Variants in SEPTIN11 observed in about 807,000 individuals in gnomAD.
The protein encoded by SEPTIN11 is septin 11, also known as septin-11.
SEPTIN11 carries 25 observed loss-of-function variants against 51.4 expected under a neutral mutation model. The ratio of observed to expected loss-of-function variants is 0.49; its 90% CI spans 0.35 to 0.68. The LOEUF is 0.68. Among genes scored for constraint, SEPTIN11 ranks in the 30% least tolerant of loss-of-function variants. The pLI is 0.00. For synonymous variants in SEPTIN11, 174 were observed against 184.1 expected, an observed-to-expected ratio of 0.95 and a Z score of 0.44; for missense variants, 381 against 520.8, an observed-to-expected ratio of 0.73 and a Z score of 2.61.
intron 9 of SEPTIN11, chr4:77,032,098 G>C (rs1726689336): frequency 6.6e-6 from 1 of 152,156 alleles, no homozygotes; most frequent in African/African-American, 2.4e-5. Flanking sequence ...TGTGCAGTAG[G>C]CTCACCCCTA....
chr4:77,016,615 C>CACATATATAT (rs1553975015), intron 5 of SEPTIN11, among the ~76,000 whole-genome samples: 10 of 79,192 alleles, frequency 1.3e-4, no homozygotes, highest in African/African-American at 4.2e-4. Flanking sequence ...TATATATACA[C>CACATATATAT]ATATATATAT....
At chr4:77,013,329 GT>G (rs2109958426) in intron 4 of SEPTIN11, among the ~76,000 whole-genome samples, 1 of 152,260 alleles carries the variant, frequency 6.6e-6, no homozygotes, top group East Asian at 1.9e-4. Flanking sequence ...TAATATCAAA[GT>G]TTTATTTATA....
chr4:77,016,615 C>CACATATATATATATATACACATAT (rs1553975015), intron 5 of SEPTIN11, among the ~76,000 whole-genome samples: 1 of 79,192 alleles, frequency 1.3e-5, no homozygotes, highest in East Asian at 3.1e-4. Context: ...TATATATACA[C>CACATATATATATATATACACATAT]ATATATATAT....
chr4:77,010,861 TTA>T (rs1185752896), intron 3 of SEPTIN11, among the ~76,000 whole-genome samples: 1 of 152,214 alleles, frequency 6.6e-6, no homozygotes, highest in Non-Finnish European at 1.5e-5. Context: ...CCAGAAAGAA[TTA>T]GTGGGTTTCC....
chr4:77,038,570 T>G lies in SEPTIN11; in HGVS notation c.*4058T>G. On this transcript the variant is annotated 3_prime_UTR_variant, in exon 10 of 10. Coordinates refer to ENST00000264893, the MANE Select transcript of SEPTIN11 (RefSeq NM_018243.4). ...AGATAATCTATGCATATATCACTAG[T>G]GCCAAGACATAAAGCGGGGGAAAAT... 1.0e-6 allele frequency: 1 copy of G among 994,520 alleles called. No homozygotes were observed. Among genetic ancestry groups the G allele is most frequent in the Non-Finnish European group, 1.2e-6 (1 of 835,612 alleles). The allele number at this position is 994,520 out of a possible 1,614,324, so 61.6% of individuals were successfully genotyped here.
intron 3 of SEPTIN11, among the ~76,000 whole-genome samples, chr4:77,009,530 T>A (rs967952093): frequency 1.3e-5 from 2 of 152,172 alleles, no homozygotes; most frequent in Non-Finnish European, 2.9e-5. Flanking sequence ...CAGGACTCTC[T>A]AATAAGAACA....
chr4:77,020,213 A>C (rs1460222469), intron 6 of SEPTIN11, among the ~76,000 whole-genome samples: 2 of 152,206 alleles, frequency 1.3e-5, no homozygotes, highest in African/African-American at 4.8e-5. Flanking sequence ...TCTAGTTGGC[A>C]GAGTTATTAT....
intron 4 of SEPTIN11, among the ~76,000 whole-genome samples, chr4:77,012,130 A>C (rs1724913241): frequency 6.6e-6 from 1 of 151,994 alleles, no homozygotes; most frequent in Non-Finnish European, 1.5e-5. Context: ...AAAAAAAAAA[A>C]AGTCAAGTTG....
chr4:76,970,988 G>A (rs1722213758), intron 1 of SEPTIN11, among the ~76,000 whole-genome samples: 2 of 152,200 alleles, frequency 1.3e-5, no homozygotes, highest in Admixed American at 6.5e-5. Flanking sequence ...TTATTCATTA[G>A]ATATCTTTGT....
chr4:77,036,868 C>A lies in SEPTIN11; in HGVS notation c.*2356C>A. ...TACGGTAGTAAGAAACCTTTGAGAT[C>A]TTTCTGACTTTTCAAAATTAGAGAA... On this transcript the variant is annotated 3_prime_UTR_variant, in exon 10 of 10. Coordinates refer to ENST00000264893, the MANE Select transcript of SEPTIN11 (RefSeq NM_018243.4). 1 of 1,413,434 alleles carries A rather than the reference C, an allele frequency of 7.1e-7. No homozygotes were observed. The highest frequency in any genetic ancestry group is 2.8e-5 in the East Asian group (1 of 35,934). The allele number at this position is 1,413,434 out of a possible 1,614,324, so 87.6% of individuals were successfully genotyped here.
chr4:76,962,673 A>G (rs1721870921), intron 1 of SEPTIN11, among the ~76,000 whole-genome samples: 1 of 152,220 alleles, frequency 6.6e-6, no homozygotes. Context: ...AGATAAAAGG[A>G]CATTGGAAAT....
chr4:76,961,142 A>G (rs1050602837), intron 1 of SEPTIN11, among the ~76,000 whole-genome samples: 1 of 152,198 alleles, frequency 6.6e-6, no homozygotes, highest in African/African-American at 2.4e-5. Flanking sequence ...ACATTTTCTT[A>G]GTAAACATGA....
At chr4:76,971,188 AC>A (rs1321676151) in intron 1 of SEPTIN11, among the ~76,000 whole-genome samples, 2 of 152,240 alleles carry the variant, frequency 1.3e-5, no homozygotes, top group Non-Finnish European at 2.9e-5. Context: ...GAAAGACTAT[AC>A]AAGGTGCTTC....
chr4:77,038,262 T>C lies in SEPTIN11; in HGVS notation c.*3750T>C, dbSNP rs1727167582. 3 of 985,604 alleles carry C rather than the reference T, an allele frequency of 3.0e-6. No individual in the cohort carries two copies. Among genetic ancestry groups the C allele is most frequent in the Admixed American group, 6.1e-5 (1 of 16,262 alleles). 61.1% of individuals were successfully genotyped at this position (985,604 alleles called of 1,614,324 possible). A position where few individuals can be genotyped will look rare whatever the true frequency, so the allele number is the denominator to read the frequency against. On this transcript the variant is annotated 3_prime_UTR_variant, in exon 10 of 10. Transcript: ENST00000264893. ...GTGAACAGCATTAGAACTTTGTCTA[T>C]TTCTTAATTTTAAAATATGCTGATA...
intron 8 of SEPTIN11, among the ~76,000 whole-genome samples, 182 bp from the exon 9 acceptor site, chr4:77,030,601 T>A (rs1255818059): frequency 6.6e-6 from 1 of 152,048 alleles, no homozygotes; most frequent in Non-Finnish European, 1.5e-5. Flanking sequence ...TTCACCATCT[T>A]GGCCAGGCTG....
chr4:77,026,983 T>G (rs1294017256), intron 7 of SEPTIN11, among the ~76,000 whole-genome samples: 1 of 152,220 alleles, frequency 6.6e-6, no homozygotes, highest in African/African-American at 2.4e-5. Flanking sequence ...TGTTTTTATC[T>G]TATAAGATAA....
intron 1 of SEPTIN11, among the ~76,000 whole-genome samples, chr4:76,976,269 A>G (rs1310134609): frequency 6.6e-6 from 1 of 152,012 alleles, no homozygotes; most frequent in Non-Finnish European, 1.5e-5. Flanking sequence ...CAGTTTTTTA[A>G]AATACCCCTT....
chr4:77,009,527 C>T (rs913375531), intron 3 of SEPTIN11, among the ~76,000 whole-genome samples: 1 of 152,094 alleles, frequency 6.6e-6, no homozygotes, highest in African/African-American at 2.4e-5. Context: ...GGCCAGGACT[C>T]TCTAATAAGA....
intron 1 of SEPTIN11, among the ~76,000 whole-genome samples, chr4:76,980,921 A>C (rs1316102510): frequency 6.6e-6 from 1 of 152,176 alleles, no homozygotes; most frequent in Non-Finnish European, 1.5e-5. Context: ...TAATCTTTCA[A>C]GTTTTGATTT....
Sources: gnomAD v4.1 joint callset for allele counts (sites outside exome capture counted in the v4.1 genomes callset) on GRCh38, gnomAD v4.1.1 for gene constraint, MANE v1.5 for transcripts, NCBI Gene and HGNC (gene_info 2026-07-23, HGNC 2026-07-21) for gene names.